Variants in CD2AP observed in about 807,000 individuals in gnomAD.
CD2AP encodes CD2 associated protein, also known as CD2-associated protein.
Under a neutral mutation model 85.1 loss-of-function variants are expected in CD2AP, and 46 were observed. The ratio of observed to expected loss-of-function variants is 0.54; its 90% CI spans 0.43 to 0.69. The LOEUF is 0.69. Ranked by LOEUF, CD2AP falls within the 30% of genes least tolerant of loss-of-function variation. The probability of loss-of-function intolerance (pLI) is 0.00; values close to 1 mark genes in which losing one functional copy is unlikely to be tolerated. For synonymous variants in CD2AP, 255 were observed against 252.9 expected (o/e 1.01, Z -0.08); for missense variants, 769 against 729.5 (o/e 1.05, Z -0.62).
chr6:47,543,740 A>G (rs778585390), intron 3 of CD2AP, among the ~76,000 whole-genome samples: 9 of 152,230 alleles, frequency 5.9e-5, no homozygotes, highest in Admixed American at 2.6e-4. Context: ...CCACCCCCAC[A>G]AAGGCACTAT....
At chr6:47,590,306 A>C (rs191173085) in intron 11 of CD2AP, among the ~76,000 whole-genome samples, 21 of 152,258 alleles carry the variant, frequency 1.4e-4, no homozygotes, top group Non-Finnish European at 2.4e-4. Context: ...GAGTCAGTCT[A>C]AGCTTAAATG....
intron 2 of CD2AP, among the ~76,000 whole-genome samples, chr6:47,524,777 G>T (rs369808601): frequency 1.2e-3 from 176 of 152,228 alleles, no homozygotes; most frequent in African/African-American, 4.1e-3. Context: ...AAGTTCCTTT[G>T]TCCAAAATGT....
At chr6:47,580,551 A>C (rs1768448239) in intron 9 of CD2AP, among the ~76,000 whole-genome samples, 2 of 152,130 alleles carry the variant, frequency 1.3e-5, no homozygotes, top group Admixed American at 6.5e-5. Context: ...AATGGTACTT[A>C]GGAATCTTAA....
At chr6:47,620,744 T>C (rs541400249) in intron 17 of CD2AP, among the ~76,000 whole-genome samples, 4 of 152,322 alleles carry the variant, frequency 2.6e-5, no homozygotes, top group African/African-American at 9.6e-5. Context: ...TAGTTTTCCT[T>C]GTAGAGGTCT....
intron 1 of CD2AP, among the ~76,000 whole-genome samples, chr6:47,495,792 A>C (rs1051926419): frequency 1.3e-5 from 2 of 152,130 alleles, no homozygotes; most frequent in African/African-American, 4.8e-5. Flanking sequence ...GTATTTTAAA[A>C]ATTTGTTTGT....
chr6:47,507,933 A>G (rs1486264659), intron 2 of CD2AP, among the ~76,000 whole-genome samples: 1 of 152,248 alleles, frequency 6.6e-6, no homozygotes, highest in African/African-American at 2.4e-5. Flanking sequence ...TTTCTGCAGT[A>G]GGTCTCAACA....
chr6:47,589,565 C>CACACACATATATATATATATATATAT lies in CD2AP; in HGVS notation c.1109-6295_1109-6294insCACACATATATATATATATATATATA, dbSNP rs139814970. On this transcript the variant is annotated intron_variant, in intron 11 of 17. Coordinates refer to ENST00000359314, the MANE Select transcript of CD2AP (RefSeq NM_012120.3). Reference sequence around the variant, plus strand: ...ACACATATATATACACACACACACACATATATATATATATATTTGTCAGAG... The same window carrying CACACACATATATATATATATATATAT: ...ACACATATATATACACACACACACACACACACATATATATATATATATATATATATATATATATATATTTGTCAGAG... Among the ~76,000 whole-genome samples, 484 of 120,854 alleles carry CACACACATATATATATATATATATAT rather than the reference C, an allele frequency of 4.0e-3. 8 individuals are homozygous for CACACACATATATATATATATATATAT. Among genetic ancestry groups the CACACACATATATATATATATATATAT allele is most frequent in the Non-Finnish European group, 6.7e-3 (371 of 55,492 alleles). 79.3% of individuals were successfully genotyped at this position (120,854 alleles called of 152,430 possible).
chr6:47,522,057 C>G (rs1415319792), intron 2 of CD2AP, among the ~76,000 whole-genome samples: 1 of 151,762 alleles, frequency 6.6e-6, no homozygotes, highest in Non-Finnish European at 1.5e-5. Context: ...GAGCAAGTGA[C>G]TAATTGGAGA....
chr6:47,583,929 T>C (rs1438417139), intron 11 of CD2AP, among the ~76,000 whole-genome samples: 5 of 152,228 alleles, frequency 3.3e-5, no homozygotes, highest in Non-Finnish European at 7.3e-5. Flanking sequence ...ATTTGGTATT[T>C]TAAGTGTTTT....
intron 4 of CD2AP, among the ~76,000 whole-genome samples, chr6:47,554,026 G>A (rs1205751086): frequency 2.6e-5 from 4 of 151,880 alleles, no homozygotes; most frequent in Admixed American, 1.3e-4. Context: ...CCACAATTGG[G>A]CTCAGCCTCC....
At chr6:47,560,223 G>T (rs1767818173) in intron 5 of CD2AP, among the ~76,000 whole-genome samples, 1 of 151,998 alleles carries the variant, frequency 6.6e-6, no homozygotes, top group Admixed American at 6.6e-5. Flanking sequence ...CTAGATATCT[G>T]TATTTTATCT....
intron 11 of CD2AP, among the ~76,000 whole-genome samples, chr6:47,587,184 C>T (rs1030944245): frequency 6.6e-6 from 1 of 152,070 alleles, no homozygotes; most frequent in Non-Finnish European, 1.5e-5. Context: ...CAATTTGAAG[C>T]GTCTTAAGCC....
At chr6:47,622,672 GAC>G (rs954311631) in intron 17 of CD2AP, among the ~76,000 whole-genome samples, 6 of 152,174 alleles carry the variant, frequency 3.9e-5, no homozygotes, top group Non-Finnish European at 8.8e-5. Flanking sequence ...CCGCAGTTGG[GAC>G]ACACACACTA....
At chr6:47,553,083 C>T (rs1273578220) in intron 4 of CD2AP, among the ~76,000 whole-genome samples, 1 of 151,604 alleles carries the variant, frequency 6.6e-6, no homozygotes, top group South Asian at 2.1e-4. Context: ...GTATTGTAGC[C>T]ATCTGCTTAT....
At chr6:47,522,587 C>T (rs1766624997) in intron 2 of CD2AP, among the ~76,000 whole-genome samples, 1 of 152,006 alleles carries the variant, frequency 6.6e-6, no homozygotes, top group Non-Finnish European at 1.5e-5. Flanking sequence ...ATAAAGTGTT[C>T]TAGACTTTTT....
At chr6:47,544,904 C>A (rs964056967) in intron 4 of CD2AP, 198 bp downstream of exon 4, 1 of 485,568 alleles carries the variant, frequency 2.1e-6, no homozygotes, top group Non-Finnish European at 3.6e-6. Flanking sequence ...TAAAAATGCC[C>A]CCTTAAAGCT....
At chr6:47,608,086 A>G (rs1442818034) in intron 15 of CD2AP, 58 bp downstream of exon 15, 1 of 1,140,920 alleles carries the variant, frequency 8.8e-7, no homozygotes, top group Non-Finnish European at 1.3e-6. Context: ...GTGGACATCA[A>G]ACATAGGGAA....
intron 11 of CD2AP, among the ~76,000 whole-genome samples, chr6:47,593,870 T>C (rs1359012476): frequency 6.6e-6 from 1 of 152,086 alleles, no homozygotes; most frequent in Non-Finnish European, 1.5e-5. Flanking sequence ...CTATTTACAG[T>C]AGGCAAAAGG....
intron 11 of CD2AP, 40 bp downstream of exon 11, chr6:47,582,105 T>C (rs753722626): frequency 3.4e-6 from 4 of 1,186,690 alleles, no homozygotes; most frequent in Non-Finnish European, 5.1e-6. Context: ...CAATTATTTC[T>C]TTTATTGTCA....
Sources: allele counts gnomAD v4.1 joint callset (sites outside exome capture counted in the v4.1 genomes callset), GRCh38; gene constraint gnomAD v4.1.1; transcripts MANE v1.5; gene names NCBI Gene and HGNC (gene_info 2026-07-23, HGNC 2026-07-21).